Variants in WDR12 observed in about 807,000 individuals in gnomAD.
WDR12 encodes ribosome biogenesis protein WDR12.
A neutral mutation model predicts 64.3 loss-of-function variants in WDR12; 42 were observed. The ratio of observed to expected loss-of-function variants is 0.65; its 90% CI spans 0.51 to 0.84. The LOEUF (loss-of-function observed/expected upper bound fraction) is 0.84. Among genes scored for constraint, WDR12 ranks in the 40% least tolerant of loss-of-function variants. WDR12 has a pLI of 0.00. For missense variants in WDR12, 469 were observed against 494.6 expected, an observed-to-expected ratio of 0.95 and a Z score of 0.49; for synonymous variants, 158 against 173.3, an observed-to-expected ratio of 0.91 and a Z score of 0.70.
intron 2 of WDR12, among the ~76,000 whole-genome samples, chr2:202,902,422 G>C (rs139185914): frequency 1.3e-5 from 2 of 152,156 alleles, no homozygotes; most frequent in Non-Finnish European, 2.9e-5. Context: ...GATGCCAAAC[G>C]AGATGAACAT....
At chr2:202,882,585 C>A in intron 12 of WDR12, 126 bp downstream of exon 12, 1 of 887,206 alleles carries the variant, frequency 1.1e-6, no homozygotes, top group Non-Finnish European at 1.8e-6. Flanking sequence ...ACCTTGGCCT[C>A]CCAAAGTGCT....
chr2:202,899,841 T>C lies in WDR12; in HGVS notation c.232-204A>G, dbSNP rs367915616. Among the ~76,000 whole-genome samples the C allele has an allele frequency of 3.5e-4, 53 of 152,270 alleles. 1 individual carries two copies. Among genetic ancestry groups the C allele is most frequent in the East Asian group, 1.7e-3 (9 of 5,184 alleles). On this transcript the variant is annotated intron_variant, in intron 3 of 12. Coordinates refer to ENST00000261015, the MANE Select transcript of WDR12 (RefSeq NM_018256.4). The stretch of plus-strand genomic sequence containing the variant: ...AAGAGTGATATTAGGAAATAATAGC[T>C]TGGCATGGTGACTCACACCTGTAGT...
chr2:202,890,956 T>G (rs1688145198), intron 8 of WDR12, among the ~76,000 whole-genome samples: 1 of 138,698 alleles, frequency 7.2e-6, no homozygotes, highest in African/African-American at 2.7e-5. Flanking sequence ...ATTGTGCCAC[T>G]GCACTCCAGC....
intron 8 of WDR12, among the ~76,000 whole-genome samples, chr2:202,885,549 C>T (rs72934753): frequency 0.089 from 13,547 of 152,152 alleles, 743 homozygotes; most frequent in Non-Finnish European, 0.12. Flanking sequence ...CAAAATATGC[C>T]GCCAATTTCT....
At chr2:202,883,791 G>A (rs768834656) in intron 10 of WDR12, 50 bp from the exon 11 acceptor site, 1 of 1,569,282 alleles carries the variant, frequency 6.4e-7, no homozygotes, top group East Asian at 2.3e-5. Context: ...AGGGAAGTAG[G>A]TAGAAGGAAC....
At chr2:202,890,187 C>T (rs892218456) in intron 8 of WDR12, among the ~76,000 whole-genome samples, 2 of 152,106 alleles carry the variant, frequency 1.3e-5, no homozygotes, top group African/African-American at 4.8e-5. Flanking sequence ...CATGATCAGG[C>T]CACTGTACTC....
rs78101851 is a variant in WDR12, at chr2:202,900,840, A to T, written c.231+185T>A. Among the ~76,000 whole-genome samples, 48,246 of 151,680 alleles carry T rather than the reference A, an allele frequency of 0.32. 8,475 individuals carry two copies. The highest frequency in any genetic ancestry group is 0.6 in the East Asian group (3,070 of 5,128). ...AATATACATATATATATACACACAC[A>T]CTATATATATTCAATACACACATAA... On this transcript the variant is annotated intron_variant, in intron 3 of 12. Transcript: ENST00000261015.
chr2:202,897,784 G>A (rs1688273974), intron 4 of WDR12, among the ~76,000 whole-genome samples: 1 of 148,056 alleles, frequency 6.8e-6, no homozygotes, highest in African/African-American at 2.5e-5. Context: ...AGCTACTCAG[G>A]AGGCTGGGGC....
rs775376683 is a variant in WDR12 at position 202,883,634 on chromosome 2, T to A, written c.1096A>T (p.Ile366Phe). The change falls in exon 11 of 13, where the codon ATT becomes TTT. Residue 366 changes from isoleucine (I) to phenylalanine (F), a missense_variant. Transcript: ENST00000261015. Reference protein sequence around the residue: ...QQLISGSLDNIVKLWDTRSCK... With the variant: ...QQLISGSLDNFVKLWDTRSCK... Reference sequence around the variant, plus strand: ...CTTCTTGTATCCCACAGCTTAACAATGTTATCTAAAGATCCTGAAATCAGC... The same window carrying A: ...CTTCTTGTATCCCACAGCTTAACAAAGTTATCTAAAGATCCTGAAATCAGC... The A allele has an allele frequency of 6.2e-7, 1 of 1,614,076 alleles. No homozygotes were observed. The highest frequency in any genetic ancestry group is 8.5e-7 in the Non-Finnish European group (1 of 1,180,000).
At chr2:202,894,704 T>A in intron 6 of WDR12, 78 bp from the exon 7 acceptor site, 1 of 1,209,694 alleles carries the variant, frequency 8.3e-7, no homozygotes, top group South Asian at 1.5e-5. Context: ...GGTCTCTTCC[T>A]CATTCAGGAC....
rs1055754599 is a variant in WDR12, at chr2:202,899,458, T to C, written c.338+73A>G. 1.3e-5 allele frequency: 17 copies of C among 1,276,542 alleles called. No individual in the cohort carries two copies. The East Asian group carries it at 2.6e-4, about 19-fold the overall frequency. 79.1% of individuals were successfully genotyped at this position (1,276,542 alleles called of 1,614,324 possible). A position where few individuals can be genotyped will look rare whatever the true frequency, so the allele number is the denominator to read the frequency against. ...ACATTAAATCACAGAAAAATATGTA[T>C]ATATGGATTTAAAAAGACTGAAGGA... is the stretch of plus-strand genomic sequence containing the variant. On this transcript the variant is annotated intron_variant, in intron 4 of 12. Coordinates refer to ENST00000261015, the MANE Select transcript of WDR12 (RefSeq NM_018256.4).
rs1207431130 is a variant in WDR12, at chr2:202,879,611, T to C, written c.*1249A>G. The C allele has an allele frequency of 6.6e-6, 1 of 151,578 alleles. No homozygotes were observed. Among genetic ancestry groups the C allele is most frequent in the East Asian group, 2.0e-4 (1 of 5,114 alleles). The allele number at this position is 151,578 out of a possible 1,614,324, so 9.4% of individuals were successfully genotyped here. On this transcript the variant is annotated 3_prime_UTR_variant, in exon 13 of 13. Transcript: ENST00000261015. ...AATTTGTTTTGGATTTTTTTTTTTT[T>C]AGTAGAGACAAAGTTTCACCATGTT...
intron 2 of WDR12, among the ~76,000 whole-genome samples, chr2:202,907,234 A>G (rs915716182): frequency 1.3e-5 from 2 of 152,202 alleles, no homozygotes; most frequent in Non-Finnish European, 2.9e-5. Context: ...AACTTCAACA[A>G]TTATTAACTC....
rs1489427597 is a variant in WDR12 at position 202,877,918 on chromosome 2, G to T, written c.*2942C>A. 24 of 152,288 alleles carry T rather than the reference G, an allele frequency of 1.6e-4. No individual in the cohort carries two copies. The highest frequency in any genetic ancestry group is 1.6e-3 in the Admixed American group (24 of 15,276). 9.4% of individuals were successfully genotyped at this position (152,288 alleles called of 1,614,324 possible). On this transcript the variant is annotated 3_prime_UTR_variant, in exon 13 of 13. Coordinates refer to ENST00000261015, the MANE Select transcript of WDR12 (RefSeq NM_018256.4). ...GTAGAGGAACTGGGACCATTGAAAG[G>T]TCTCATGGCTTTTGAGGGAAAGGGT...
chr2:202,888,402 C>T (rs1688089691), intron 8 of WDR12, among the ~76,000 whole-genome samples: 1 of 152,042 alleles, frequency 6.6e-6, no homozygotes, highest in South Asian at 2.1e-4. Context: ...ATATATTCAT[C>T]AAAACTAAAT....
At chr2:202,900,020 G>C (rs568436797) in intron 3 of WDR12, among the ~76,000 whole-genome samples, 71 of 152,092 alleles carry the variant, frequency 4.7e-4, no homozygotes, top group Non-Finnish European at 5.7e-4. Context: ...GCTGCAAATG[G>C]GGGGGAAAGG....
intron 2 of WDR12, 108 bp downstream of exon 2, chr2:202,907,757 C>T: frequency 1.3e-6 from 1 of 788,700 alleles, no homozygotes; most frequent in South Asian, 1.8e-5. Context: ...ACAAATTTTA[C>T]CACTACAAAA....
chr2:202,884,812 A>G (rs1216049811), intron 8 of WDR12, among the ~76,000 whole-genome samples: 4 of 152,212 alleles, frequency 2.6e-5, no homozygotes. Context: ...TCTTTCCACT[A>G]TATTCTGCTG....
At chr2:202,892,228 T>A (rs1389612921) in intron 8 of WDR12, among the ~76,000 whole-genome samples, 1 of 152,182 alleles carries the variant, frequency 6.6e-6, no homozygotes, top group East Asian at 1.9e-4. Flanking sequence ...TTAGAAGATA[T>A]AACTAGGATC....
Sources: allele counts gnomAD v4.1 joint callset (sites outside exome capture counted in the v4.1 genomes callset), GRCh38; gene constraint gnomAD v4.1.1; transcripts MANE v1.5; gene names NCBI Gene and HGNC (gene_info 2026-07-23, HGNC 2026-07-21).